The following SNX18 variants were observed in gnomAD, a reference collection of about 807,000 sequenced individuals.
SNX18 encodes the protein sorting nexin 18, also known as sorting nexin-18.
SNX18 carries 35 observed loss-of-function variants against 48.7 expected under a neutral mutation model. The observed-to-expected ratio is 0.72, with a 90% CI of 0.55 to 0.95. SNX18 has a LOEUF of 0.95. SNX18 is among the 40% of genes least tolerant of loss of function. SNX18 has a pLI of 0.00. For synonymous variants in SNX18, 492 were observed against 384.7 expected (o/e 1.28, Z -3.26); for missense variants, 824 against 871.0 (o/e 0.95, Z 0.68).
At chr5:54,572,748 G>GTATATATATATA in the SNX18 span, among the ~76,000 whole-genome samples, 1 of 41,798 alleles carries the variant, frequency 2.4e-5, no homozygotes. Context: ...GTGTGTGTGT[G>GTATATATATATA]TGTGTGTATA....
At chr5:54,617,861 T>C in the SNX18 span, among the ~76,000 whole-genome samples, 1 of 152,070 alleles carries the variant, frequency 6.6e-6, no homozygotes, top group Non-Finnish European at 1.5e-5. Context: ...CCATGCTCAT[T>C]CTCCATTGAC....
At chr5:54,618,201 G>A in the SNX18 span, among the ~76,000 whole-genome samples, 5 of 152,226 alleles carry the variant, frequency 3.3e-5, no homozygotes, top group African/African-American at 4.8e-5. Flanking sequence ...CTCGCCTGCC[G>A]CCATGTGAAG....
chr5:54,569,393 A>G, the SNX18 span, among the ~76,000 whole-genome samples: 45 of 152,128 alleles, frequency 3.0e-4, no homozygotes, highest in Non-Finnish European at 5.9e-4. Context: ...GCCACACAAA[A>G]CCAACCTAAA....
At chr5:54,628,161 G>C in the SNX18 span, among the ~76,000 whole-genome samples, 5 of 152,154 alleles carry the variant, frequency 3.3e-5, no homozygotes, top group Non-Finnish European at 5.9e-5. Flanking sequence ...TTTACTGCAG[G>C]ATAATCATTT....
At chr5:54,637,401 G>A in the SNX18 span, among the ~76,000 whole-genome samples, 288 of 152,122 alleles carry the variant, frequency 1.9e-3, 2 homozygotes, top group African/African-American at 6.8e-3. Flanking sequence ...CCTTTGGCGT[G>A]AGAAAAGTGG....
At chr5:54,579,972 ACC>A in the SNX18 span, among the ~76,000 whole-genome samples, 2 of 152,190 alleles carry the variant, frequency 1.3e-5, no homozygotes, top group East Asian at 3.9e-4. Context: ...TGTCTGTTGT[ACC>A]CAATAGTTGC....
chr5:54,560,242 G>A, the SNX18 span, among the ~76,000 whole-genome samples: 4 of 152,302 alleles, frequency 2.6e-5, no homozygotes, highest in African/African-American at 7.2e-5. Flanking sequence ...CCCATCAGTG[G>A]TGGACTGGAT....
the SNX18 span, among the ~76,000 whole-genome samples, chr5:54,558,777 T>A: frequency 4.6e-5 from 7 of 152,138 alleles, no homozygotes; most frequent in African/African-American, 7.2e-5. Flanking sequence ...GGACTACAGG[T>A]TGTTCGATGT....
the SNX18 span, among the ~76,000 whole-genome samples, chr5:54,578,752 C>G: frequency 2.6e-5 from 4 of 152,142 alleles, no homozygotes; most frequent in African/African-American, 4.8e-5. Flanking sequence ...TGCGAGATGA[C>G]CCCGGATCCT....
In SNX18 at chr5:54,519,157, T is replaced by C; in HGVS notation, c.1205T>C (p.Met402Thr). Residue 402 changes from methionine to threonine, a missense_variant, in exon 1 of 2, where the codon ATG (methionine) becomes ACG (threonine). By Grantham distance (81) the Met-to-Thr change is moderately conservative. Around this residue, in one of 3 missense-constraint regions of SNX18, gnomAD observed 443 missense variants for 503.6 expected, o/e 0.88. Coordinates refer to ENST00000381410, the MANE Select transcript of SNX18 (RefSeq NM_001102575.2). ...AAGAGGAAGGCCGAGAAGGACGAGA[T>C]GGTGGGCGCCAACTTCTTCCTGACC... ...QGKRKAEKDE[M>T]VGANFFLTLS... 1 of 1,613,752 alleles carries C rather than the reference T, an allele frequency of 6.2e-7. No homozygotes were observed. Among genetic ancestry groups the C allele is most frequent in the Non-Finnish European group, 8.5e-7 (1 of 1,179,852 alleles).
the SNX18 span, among the ~76,000 whole-genome samples, chr5:54,566,904 C>T: frequency 9.8e-5 from 15 of 152,332 alleles, no homozygotes; most frequent in South Asian, 4.1e-4. Context: ...ACGTTCATTA[C>T]GACTCCCCAT....
intron 1 of SNX18, among the ~76,000 whole-genome samples, chr5:54,524,416 C>T (rs538261166): frequency 3.9e-5 from 6 of 152,306 alleles, no homozygotes; most frequent in Admixed American, 2.6e-4. Flanking sequence ...CTCAGGGAGC[C>T]TATGAGGTTT....
chr5:54,647,337 C>T, the SNX18 span, among the ~76,000 whole-genome samples: 1 of 152,210 alleles, frequency 6.6e-6, no homozygotes, highest in South Asian at 2.1e-4. Context: ...CCGCCTTGGC[C>T]TCCCAAAGTG....
At chr5:54,642,110 C>A in the SNX18 span, among the ~76,000 whole-genome samples, 1 of 152,148 alleles carries the variant, frequency 6.6e-6, no homozygotes, top group South Asian at 2.1e-4. Flanking sequence ...AGCAGCAGCA[C>A]AGCGGATCAT....
At chr5:54,577,195 C>A in the SNX18 span, among the ~76,000 whole-genome samples, 1 of 152,108 alleles carries the variant, frequency 6.6e-6, no homozygotes, top group Non-Finnish European at 1.5e-5. Flanking sequence ...AGCCATGACA[C>A]CTTGGCAAGT....
the SNX18 span, among the ~76,000 whole-genome samples, chr5:54,628,352 T>C: frequency 4.6e-5 from 7 of 152,146 alleles, no homozygotes; most frequent in African/African-American, 1.7e-4. Flanking sequence ...CACTGCACTA[T>C]TCTTCTCCCT....
chr5:54,590,183 T>C, the SNX18 span, among the ~76,000 whole-genome samples: 56 of 152,302 alleles, frequency 3.7e-4, no homozygotes, highest in Non-Finnish European at 7.5e-4. Flanking sequence ...TATGTTTCAG[T>C]AGTTAGAAAT....
chr5:54,578,464 A>G, the SNX18 span, among the ~76,000 whole-genome samples: 1 of 152,174 alleles, frequency 6.6e-6, no homozygotes, highest in Non-Finnish European at 1.5e-5. Context: ...CTCTGCCTCC[A>G]AGGAAGCCTG....
intron 1 of SNX18, among the ~76,000 whole-genome samples, chr5:54,523,297 A>G (rs1186079083): frequency 1.3e-5 from 2 of 152,116 alleles, no homozygotes; most frequent in Non-Finnish European, 2.9e-5. Context: ...GTTTCTTGGC[A>G]TATTCAGTTT....
Sources: gnomAD v4.1 joint callset for allele counts (sites outside exome capture counted in the v4.1 genomes callset) on GRCh38, gnomAD v4.1.1 for gene constraint, gnomAD v4.1.1 regional missense constraint, MANE v1.5 for transcripts, NCBI Gene and HGNC (gene_info 2026-07-23, HGNC 2026-07-21) for gene names.